SRGAP2: variants seen among roughly 807,000 people sequenced by gnomAD.
SRGAP2 encodes SLIT-ROBO Rho GTPase activating protein 2, also known as SLIT-ROBO Rho GTPase-activating protein 2.
In SRGAP2, 15 loss-of-function variants were observed where a neutral mutation model predicts 57.2. The ratio of observed to expected loss-of-function variants is 0.26; its 90% CI spans 0.18 to 0.40. The LOEUF (loss-of-function observed/expected upper bound fraction) is 0.40. Among genes scored for constraint, SRGAP2 ranks in the 10% least tolerant of loss-of-function variants. SRGAP2 has a pLI of 1.00. For missense variants in SRGAP2, 520 were observed against 669.6 expected (o/e 0.78, Z 2.47); for synonymous variants, 249 against 248.0 (o/e 1.00, Z -0.04).
chr1:206,307,927 C>A (rs1281466634), intron 3 of SRGAP2, among the ~76,000 whole-genome samples: 1 of 152,224 alleles, frequency 6.6e-6, no homozygotes, highest in Non-Finnish European at 1.5e-5. Context: ...TGCTGAAGGG[C>A]TCCTCGAATT....
At chr1:206,397,641 TC>T (rs1438555964) in intron 7 of SRGAP2, among the ~76,000 whole-genome samples, 1 of 146,194 alleles carries the variant, frequency 6.8e-6, no homozygotes, top group Non-Finnish European at 1.5e-5. Flanking sequence ...AACCTTGACT[TC>T]AGGCCAAAAA....
At chr1:206,207,663 G>A (rs1331064009) in intron 2 of SRGAP2, 1 of 124,626 alleles carries the variant, frequency 8.0e-6, no homozygotes, top group Non-Finnish European at 1.7e-5. Context: ...TTCTTAAACT[G>A]TTGCCATCGG....
chr1:206,418,020 A>C (rs1252906157), intron 11 of SRGAP2, among the ~76,000 whole-genome samples: 1 of 151,722 alleles, frequency 6.6e-6, no homozygotes, highest in African/African-American at 2.4e-5. Context: ...TTTATGCACC[A>C]AATGTGCTAC....
intron 21 of SRGAP2, among the ~76,000 whole-genome samples, chr1:206,457,625 A>ACAT (rs1159249747): frequency 6.6e-6 from 1 of 152,242 alleles, no homozygotes; most frequent in Non-Finnish European, 1.5e-5. Context: ...AGTGACTGAT[A>ACAT]CATGCCAGGT....
intron 2 of SRGAP2, among the ~76,000 whole-genome samples, chr1:206,266,536 C>G (rs1376591741): frequency 5.9e-5 from 9 of 152,208 alleles, no homozygotes; most frequent in African/African-American, 2.2e-4. Flanking sequence ...AGCCACCACG[C>G]CCGACCTTCT....
intron 3 of SRGAP2, among the ~76,000 whole-genome samples, chr1:206,313,984 G>A (rs1423061230): frequency 3.3e-5 from 5 of 151,718 alleles, no homozygotes; most frequent in Non-Finnish European, 7.4e-5. Flanking sequence ...TGGGATTCAG[G>A]TTTCAAGTGA....
chr1:206,321,167 C>T (rs1285925820), intron 3 of SRGAP2, among the ~76,000 whole-genome samples: 5 of 145,370 alleles, frequency 3.4e-5, no homozygotes, highest in South Asian at 2.1e-4. Context: ...ACATTGGCCC[C>T]GTTATTTTGT....
rs529715560 is a variant in SRGAP2 at position 206,216,656 on chromosome 1, T to C, written c.67+10619T>C. On this transcript the variant is annotated intron_variant, in intron 2 of 22. Transcript: ENST00000573034. Reference sequence around the variant, plus strand: ...ATTTGGTATGAAATAGCCTTGACCTTATTTATACGTTGTGAATGAATGGTT... The same window carrying C: ...ATTTGGTATGAAATAGCCTTGACCTCATTTATACGTTGTGAATGAATGGTT... Among the ~76,000 whole-genome samples, 27 of 151,466 alleles carry C rather than the reference T, an allele frequency of 1.8e-4. No individual in the cohort carries two copies. The East Asian group carries it at 5.2e-3, about 29-fold the overall frequency.
intron 11 of SRGAP2, among the ~76,000 whole-genome samples, chr1:206,418,793 G>A (rs1410645969): frequency 1.3e-5 from 2 of 151,832 alleles, no homozygotes; most frequent in Non-Finnish European, 2.9e-5. Flanking sequence ...AAACCTAACA[G>A]GAGAATTTAC....
chr1:206,427,361 C>T (rs1457156136), intron 13 of SRGAP2, among the ~76,000 whole-genome samples: 4 of 152,074 alleles, frequency 2.6e-5, no homozygotes, highest in Admixed American at 6.5e-5. Context: ...TCAGTGATGC[C>T]GACAAGAGGA....
intron 4 of SRGAP2, among the ~76,000 whole-genome samples, chr1:206,377,113 T>G (rs1655275580): frequency 6.6e-6 from 1 of 152,222 alleles, no homozygotes; most frequent in African/African-American, 2.4e-5. Context: ...TTTGAGATTT[T>G]TTTAGACTAA....
intron 11 of SRGAP2, among the ~76,000 whole-genome samples, chr1:206,417,932 A>G (rs1247810295): frequency 2.6e-5 from 4 of 151,668 alleles, no homozygotes; most frequent in African/African-American, 9.7e-5. Flanking sequence ...TAAGACAGAG[A>G]GCAGGGCCTT....
In SRGAP2 at chr1:206,393,656, C is replaced by G; in HGVS notation, c.814C>G (p.Leu272Val). 1.4e-6 allele frequency: 1 copy of G among 709,162 alleles called. No individual in the cohort carries two copies. Among genetic ancestry groups the G allele is most frequent in the South Asian group, 1.5e-5 (1 of 65,200 alleles). The allele number at this position is 709,162 out of a possible 1,614,324, so 43.9% of individuals were successfully genotyped here. A position where few individuals can be genotyped will look rare whatever the true frequency, so the allele number is the denominator to read the frequency against. ...ASVFKYYIHD[L>V]SDLIDQCCDL... Reference sequence around the variant, plus strand: ...TGTCTTCAAGTACTACATCCATGACCTATCTGACCTTATTGATGTAAGTGC... The same window carrying G: ...TGTCTTCAAGTACTACATCCATGACGTATCTGACCTTATTGATGTAAGTGC... The change falls in exon 7 of 23, where the codon CTA (leucine) becomes GTA (valine). Residue 272 changes from leucine to valine, a missense_variant. By Grantham distance (32) the Leu-to-Val change is conservative. Around this residue, in one of 5 missense-constraint regions of SRGAP2, gnomAD observed 12 missense variants for 21.3 expected, o/e 0.56. Transcript: ENST00000573034.
intron 10 of SRGAP2, among the ~76,000 whole-genome samples, chr1:206,409,888 C>T (rs1324228116): frequency 3.3e-5 from 5 of 151,200 alleles, no homozygotes; most frequent in African/African-American, 4.9e-5. Flanking sequence ...CACCTGAGGT[C>T]GGGAGTTTGA....
In SRGAP2 at chr1:206,203,803, C is replaced by G. The variant is rs782314702; in HGVS notation, c.-543+153C>G. 1.8e-5 allele frequency: 27 copies of G among 1,532,582 alleles called. No homozygotes were observed. The East Asian group carries it at 3.2e-4, about 18-fold the overall frequency. 94.9% of individuals were successfully genotyped at this position (1,532,582 alleles called of 1,614,324 possible). Reference sequence around the variant, plus strand: ...CGCCCGGAATCCCTCAGACCGCCCCCCCTCCACCCTCTCCAAATCTCCCAG... The same window carrying G: ...CGCCCGGAATCCCTCAGACCGCCCCGCCTCCACCCTCTCCAAATCTCCCAG... On this transcript the variant is annotated intron_variant, in intron 1 of 22. Coordinates refer to ENST00000573034, the MANE Select transcript of SRGAP2 (RefSeq NM_015326.5).
intron 2 of SRGAP2, among the ~76,000 whole-genome samples, chr1:206,234,664 G>C (rs1210573547): frequency 8.5e-5 from 13 of 152,166 alleles, no homozygotes; most frequent in Non-Finnish European, 1.8e-4. Context: ...ACAGTAGCAG[G>C]AACAGAGACT....
chr1:206,278,816 C>A (rs1395069753), intron 2 of SRGAP2, among the ~76,000 whole-genome samples: 2 of 145,508 alleles, frequency 1.4e-5, no homozygotes. Context: ...AGTTTAAAGG[C>A]CTTAAGGTGG....
At chr1:206,433,635 CAAA>C (rs71568100) in intron 14 of SRGAP2, among the ~76,000 whole-genome samples, 1 of 113,910 alleles carries the variant, frequency 8.8e-6, no homozygotes, top group Non-Finnish European at 1.9e-5. Context: ...GACCCTGTCT[CAAA>C]AAAAAAAAAA....
At chr1:206,244,709 G>A (rs1408918087) in intron 2 of SRGAP2, among the ~76,000 whole-genome samples, 2 of 151,842 alleles carry the variant, frequency 1.3e-5, no homozygotes, top group Non-Finnish European at 2.9e-5. Context: ...CTCTAAATGG[G>A]AAAAAAAATT....
Sources: allele counts gnomAD v4.1 joint callset (sites outside exome capture counted in the v4.1 genomes callset), GRCh38; gene constraint gnomAD v4.1.1; regional missense constraint gnomAD v4.1.1; transcripts MANE v1.5; gene names NCBI Gene and HGNC (gene_info 2026-07-23, HGNC 2026-07-21).